The following RPL38 variants were observed in gnomAD, a reference collection of about 807,000 sequenced individuals.
RPL38 encodes the protein large ribosomal subunit protein eL38.
A neutral mutation model predicts 12.8 loss-of-function variants in RPL38; 2 were observed. The observed-to-expected ratio is 0.16, with a 90% confidence interval of 0.06 to 0.49. RPL38 has a LOEUF of 0.49. Ranked by LOEUF, RPL38 falls within the 20% of genes least tolerant of loss-of-function variation. The pLI is 0.96. For synonymous variants in RPL38, 42 were observed against 30.1 expected (o/e 1.39, Z -1.29); for missense variants, 52 against 79.8 (o/e 0.65, Z 1.33).
intron 3 of RPL38, among the ~76,000 whole-genome samples, chr17:74,208,523 C>G (rs1177057068): frequency 6.6e-6 from 1 of 152,246 alleles, no homozygotes; most frequent in East Asian, 1.9e-4. Context: ...CGAGCTCTTA[C>G]TGGCCCAGAA....
At chr17:74,207,020 A>G (rs575529452) in intron 3 of RPL38, among the ~76,000 whole-genome samples, 2 of 147,822 alleles carry the variant, frequency 1.4e-5, no homozygotes, top group East Asian at 2.1e-4. Flanking sequence ...CCGGCCTGCA[A>G]TTTGCTTTTT....
intron 3 of RPL38, among the ~76,000 whole-genome samples, chr17:74,208,840 G>T (rs984660173): frequency 6.6e-6 from 1 of 152,170 alleles, no homozygotes; most frequent in Non-Finnish European, 1.5e-5. Flanking sequence ...GGAGGCTTAG[G>T]CAGGAGAATC....
chr17:74,206,479 C>T (rs1190686089), intron 3 of RPL38, among the ~76,000 whole-genome samples: 2 of 152,138 alleles, frequency 1.3e-5, no homozygotes, highest in Non-Finnish European at 1.5e-5. Context: ...CTGCCACCAT[C>T]ACCGCCCATC....
At chr17:74,204,340 A>G in intron 3 of RPL38, 150 bp downstream of exon 3, 1 of 670,428 alleles carries the variant, frequency 1.5e-6, no homozygotes, top group Non-Finnish European at 2.6e-6. Context: ...CCTGTTTCCC[A>G]TGAGAAAGAC....
chr17:74,205,105 A>G (rs2050100566), intron 3 of RPL38: 1 of 152,254 alleles, frequency 6.6e-6, no homozygotes, highest in Non-Finnish European at 1.5e-5. Flanking sequence ...TACAGGGGAA[A>G]GAAGGTGATT....
chr17:74,204,028 C>T (rs761858058), intron 2 of RPL38, 70 bp downstream of exon 2: 26 of 1,611,500 alleles, frequency 1.6e-5, no homozygotes, highest in Admixed American at 5.0e-5. Context: ...GGCGAGAGAG[C>T]CTCCCAAGGA....
Position 74,210,056 on chromosome 17 carries a change from C to G in RPL38, c.*227C>G, listed in dbSNP as rs2050152304. 2 of 455,688 alleles carry G rather than the reference C, an allele frequency of 4.4e-6. No individual in the cohort carries two copies. Among genetic ancestry groups the G allele is most frequent in the Non-Finnish European group, 7.7e-6 (2 of 259,974 alleles). 28.2% of individuals were successfully genotyped at this position (455,688 alleles called of 1,614,324 possible). A position where few individuals can be genotyped will look rare whatever the true frequency, so the allele number is the denominator to read the frequency against. On this transcript the variant is annotated 3_prime_UTR_variant, in exon 5 of 5. Transcript: ENST00000311111. ...ATCCTGGAGCACAGTGGTGCGATATCAGCTCACTACCACCTCCGCCTCCTG... is the reference window on the plus strand; with the variant it reads ...ATCCTGGAGCACAGTGGTGCGATATGAGCTCACTACCACCTCCGCCTCCTG...
chr17:74,204,706 A>AT (rs370255977), intron 3 of RPL38: 38 of 150,684 alleles, frequency 2.5e-4, no homozygotes, highest in African/African-American at 4.4e-4. Flanking sequence ...ATTTAAAAAA[A>AT]TTTTTTTTTT....
At chr17:74,209,659 C>A (rs2143695000) in intron 4 of RPL38, 145 bp from the exon 5 acceptor site, 2 of 730,158 alleles carry the variant, frequency 2.7e-6, no homozygotes, top group South Asian at 1.6e-5. Flanking sequence ...TTTTATCAAA[C>A]ACTAAATATT....
At position 74,209,359 on chromosome 17, in the gene RPL38, C is replaced by T. The variant is rs2050144093; in HGVS notation, c.187+50C>T. ...GGGGCGGGTGGGGTTTGGAAGGTTG[C>T]TGTGTGTGGCCATGTTGTATCTTGT... On this transcript the variant is annotated intron_variant, in intron 4 of 4. Transcript: ENST00000311111. 5 of 1,599,136 alleles carry T rather than the reference C, an allele frequency of 3.1e-6. No individual in the cohort carries two copies. In the South Asian group the frequency reaches 3.4e-5, roughly 11 times the overall value.
At chr17:74,208,812 G>GTAA (rs1463761144) in intron 3 of RPL38, among the ~76,000 whole-genome samples, 2 of 152,130 alleles carry the variant, frequency 1.3e-5, no homozygotes, top group African/African-American at 4.8e-5. Flanking sequence ...GTGCACGCCT[G>GTAA]TAATCCCAGC....
chr17:74,206,491 C>G (rs1156772335), intron 3 of RPL38, among the ~76,000 whole-genome samples: 3 of 152,100 alleles, frequency 2.0e-5, no homozygotes, highest in Non-Finnish European at 4.4e-5. Context: ...CCGCCCATCT[C>G]CAGAACTTTA....
chr17:74,207,358 T>G (rs939338243), intron 3 of RPL38, among the ~76,000 whole-genome samples: 4 of 152,108 alleles, frequency 2.6e-5, no homozygotes, highest in Non-Finnish European at 5.9e-5. Flanking sequence ...CCACGGTTTG[T>G]TTATTCGTCT....
intron 3 of RPL38, chr17:74,204,392 C>T (rs2050091752): frequency 1.2e-5 from 7 of 587,718 alleles, no homozygotes; most frequent in Admixed American, 3.0e-5. Flanking sequence ...CTAGGACCAT[C>T]TTTAGCTAAT....
At chr17:74,207,802 A>C (rs535954922) in intron 3 of RPL38, among the ~76,000 whole-genome samples, 1 of 152,278 alleles carries the variant, frequency 6.6e-6, no homozygotes, top group East Asian at 1.9e-4. Flanking sequence ...CACCGCACCC[A>C]ACTGAATAAA....
chr17:74,205,651 T>A (rs908396757), intron 3 of RPL38: 2 of 152,212 alleles, frequency 1.3e-5, no homozygotes, highest in African/African-American at 4.8e-5. Flanking sequence ...CTGCCTAGTT[T>A]GAAGCCCAAC....
At chr17:74,209,156 C>A in intron 3 of RPL38, 31 bp from the exon 4 acceptor site, 2 of 1,610,894 alleles carry the variant, frequency 1.2e-6, no homozygotes, top group South Asian at 1.1e-5. Context: ...TTCTGTGATA[C>A]AATTTAATTC....
chr17:74,208,503 T>C (rs1318466201), intron 3 of RPL38, among the ~76,000 whole-genome samples: 3 of 152,184 alleles, frequency 2.0e-5, no homozygotes, highest in African/African-American at 7.2e-5. Flanking sequence ...GCTGGAGGCA[T>C]CCTGAAGAAC....
At chr17:74,205,100 G>A (rs536487732) in intron 3 of RPL38, 25 of 152,324 alleles carry the variant, frequency 1.6e-4, no homozygotes, top group African/African-American at 5.3e-4. Context: ...GTACATACAG[G>A]GGAAAGAAGG....
Sources: gnomAD v4.1 joint callset for allele counts (sites outside exome capture counted in the v4.1 genomes callset) on GRCh38, gnomAD v4.1.1 for gene constraint, MANE v1.5 for transcripts, NCBI Gene and HGNC (gene_info 2026-07-23, HGNC 2026-07-21) for gene names.